Variants in SGIP1 observed in about 807,000 individuals in gnomAD.
The protein encoded by SGIP1 is SH3-containing GRB2-like protein 3-interacting protein 1.
SGIP1 carries 38 observed loss-of-function variants against 107.5 expected under a neutral mutation model. The observed-to-expected ratio is 0.35, with a 90% CI of 0.27 to 0.46. The LOEUF (loss-of-function observed/expected upper bound fraction) is 0.46. SGIP1 is among the 20% of genes least tolerant of loss of function. The pLI, the probability that SGIP1 is intolerant of heterozygous loss-of-function variation, is 1.00. For missense variants in SGIP1, 929 were observed against 1,019.5 expected (o/e 0.91, Z 1.21); for synonymous variants, 365 against 366.1 (o/e 1.00, Z 0.03).
intron 12 of SGIP1, among the ~76,000 whole-genome samples, chr1:66,675,303 C>A (rs540966731): frequency 6.6e-6 from 1 of 152,120 alleles, no homozygotes; most frequent in Non-Finnish European, 1.5e-5. Flanking sequence ...GCGAAGTCCA[C>A]CTTTGAGGCT....
intron 4 of SGIP1, among the ~76,000 whole-genome samples, chr1:66,637,942 G>A (rs146866301): frequency 0.011 from 1,669 of 151,284 alleles, 15 homozygotes; most frequent in Non-Finnish European, 0.018. Context: ...CCTTAGTTAC[G>A]AAGATGAGAT....
intron 3 of SGIP1, chr1:66,633,953 C>A: frequency 1.4e-6 from 1 of 720,840 alleles, no homozygotes; most frequent in Non-Finnish European, 2.3e-6. Context: ...TTTCCTTCCA[C>A]ACTTGACTCA....
chr1:66,564,282 TCTC>T (rs1314845544), intron 1 of SGIP1, among the ~76,000 whole-genome samples: 1 of 151,844 alleles, frequency 6.6e-6, no homozygotes, highest in Non-Finnish European at 1.5e-5. Context: ...TGAACTCAGG[TCTC>T]CTCAGGCTCA....
rs984857574 is a variant in SGIP1, at chr1:66,705,704, G to A, written c.1630+10211G>A. The stretch of plus-strand genomic sequence containing the variant: ...CTTTCAGTAGTGCTCAAAATTACCA[G>A]CATCCAATTTGTAACTGCAAGGAAC... On this transcript the variant is annotated intron_variant, in intron 18 of 24. Coordinates refer to ENST00000371037, the MANE Select transcript of SGIP1 (RefSeq NM_032291.4). 2.0e-5 allele frequency among the ~76,000 whole-genome samples: 3 copies of A among 152,184 alleles called. No homozygotes were observed. In the East Asian group the frequency reaches 5.8e-4, roughly 29 times the overall value.
chr1:66,576,300 G>T (rs1484874415), intron 1 of SGIP1, among the ~76,000 whole-genome samples: 2 of 152,196 alleles, frequency 1.3e-5, no homozygotes, highest in Non-Finnish European at 2.9e-5. Context: ...TGAAATAATT[G>T]TAACCATGTA....
intron 7 of SGIP1, among the ~76,000 whole-genome samples, chr1:66,651,722 G>T (rs566899432): frequency 6.6e-6 from 1 of 152,274 alleles, no homozygotes; most frequent in Admixed American, 6.5e-5. Flanking sequence ...CATGACAGGA[G>T]AGCGAGGCTG....
At chr1:66,649,853 T>C (rs917529682) in intron 7 of SGIP1, among the ~76,000 whole-genome samples, 1 of 152,194 alleles carries the variant, frequency 6.6e-6, no homozygotes, top group Non-Finnish European at 1.5e-5. Flanking sequence ...ACTCCAATGA[T>C]GTCCCAATTA....
chr1:66,684,111 G>T, intron 15 of SGIP1: 1 of 1,550,404 alleles, frequency 6.4e-7, no homozygotes, highest in Non-Finnish European at 8.7e-7. Flanking sequence ...TTACAGATGG[G>T]AAAACTGAGG....
intron 24 of SGIP1, among the ~76,000 whole-genome samples, chr1:66,742,436 A>ATATAAGT (rs1284137487): frequency 4.9e-5 from 7 of 144,158 alleles, no homozygotes; most frequent in African/African-American, 1.8e-4. Flanking sequence ...CCAAATTGGA[A>ATATAAGT]TATAAGTTAT....
chr1:66,706,401 A>G (rs1441295272), intron 18 of SGIP1, among the ~76,000 whole-genome samples: 1 of 146,598 alleles, frequency 6.8e-6, no homozygotes, highest in Non-Finnish European at 1.5e-5. Flanking sequence ...TAAAATAGTT[A>G]TATATAAAAT....
intron 15 of SGIP1, among the ~76,000 whole-genome samples, chr1:66,685,194 A>C (rs2150040319): frequency 6.6e-6 from 1 of 152,336 alleles, no homozygotes; most frequent in South Asian, 2.1e-4. Flanking sequence ...TATTTCTCGA[A>C]GCATATTTAA....
chr1:66,565,053 A>G (rs991613084), intron 1 of SGIP1, among the ~76,000 whole-genome samples: 6 of 151,990 alleles, frequency 3.9e-5, no homozygotes, highest in Admixed American at 3.3e-4. Context: ...AAGGGGGCAG[A>G]CAGTAGATGT....
At chr1:66,535,527 C>CT (rs1374145025) in intron 1 of SGIP1, among the ~76,000 whole-genome samples, 1 of 152,140 alleles carries the variant, frequency 6.6e-6, no homozygotes, top group African/African-American at 2.4e-5. Context: ...GAAATGAATT[C>CT]TTTTTGCTCT....
chr1:66,542,119 T>A (rs2055109668), intron 1 of SGIP1, among the ~76,000 whole-genome samples: 1 of 151,984 alleles, frequency 6.6e-6, no homozygotes. Context: ...TACATATATA[T>A]GAGATAAAGA....
At chr1:66,602,413 C>A (rs928843122) in intron 1 of SGIP1, among the ~76,000 whole-genome samples, 1 of 152,118 alleles carries the variant, frequency 6.6e-6, no homozygotes, top group Non-Finnish European at 1.5e-5. Flanking sequence ...CCTGCATGAT[C>A]CACATGTGAC....
chr1:66,581,729 C>T lies in SGIP1; in HGVS notation c.11-44118C>T, dbSNP rs564684097. Among the ~76,000 whole-genome samples, 13 of 151,918 alleles carry T rather than the reference C, an allele frequency of 8.6e-5. No individual in the cohort carries two copies. In the South Asian group the frequency reaches 2.7e-3, roughly 32 times the overall value. The stretch of plus-strand genomic sequence containing the variant: ...CCAAATTAAGTTTTATTTTGTACTC[C>T]CTGCTGAAGACTGAAGAGTGATTAC... On this transcript the variant is annotated intron_variant, in intron 1 of 24. Coordinates refer to ENST00000371037, the MANE Select transcript of SGIP1 (RefSeq NM_032291.4).
Position 66,748,250 on chromosome 1 carries a change from G to T in SGIP1, c.*5155G>T, listed in dbSNP as rs137898284. The T allele has an allele frequency of 3.9e-5, 6 of 152,026 alleles. No homozygotes were observed. In the East Asian group the frequency reaches 9.6e-4, roughly 24 times the overall value. The allele number at this position is 152,026 out of a possible 1,614,324, so 9.4% of individuals were successfully genotyped here. Reference sequence around the variant, plus strand: ...AGTGGAGTGTATGGAAGGAAAATGAGATAGGAGTACATTGCTTAAGTCTCT... The same window carrying T: ...AGTGGAGTGTATGGAAGGAAAATGATATAGGAGTACATTGCTTAAGTCTCT... On this transcript the variant is annotated 3_prime_UTR_variant, in exon 25 of 25. Coordinates refer to ENST00000371037, the MANE Select transcript of SGIP1 (RefSeq NM_032291.4).
intron 1 of SGIP1, among the ~76,000 whole-genome samples, chr1:66,597,179 T>C (rs983958196): frequency 1.3e-5 from 2 of 152,196 alleles, no homozygotes; most frequent in South Asian, 4.1e-4. Context: ...TAGTACCCAA[T>C]AGTTACTTTT....
chr1:66,734,901 C>T lies in SGIP1; in HGVS notation c.2031+1021C>T, dbSNP rs527918563. ...CAACATGATATTTTGAATATATGTACGTTATGGAATGACTAAACTAACATA... is the reference window on the plus strand; with the variant it reads ...CAACATGATATTTTGAATATATGTATGTTATGGAATGACTAAACTAACATA... On this transcript the variant is annotated intron_variant, in intron 21 of 24. Coordinates refer to ENST00000371037, the MANE Select transcript of SGIP1 (RefSeq NM_032291.4). Among the ~76,000 whole-genome samples the T allele has an allele frequency of 2.6e-4, 40 of 152,186 alleles. No individual in the cohort carries two copies. In the South Asian group the frequency reaches 5.6e-3, roughly 21 times the overall value.
Sources: allele counts gnomAD v4.1 joint callset (sites outside exome capture counted in the v4.1 genomes callset), GRCh38; gene constraint gnomAD v4.1.1; transcripts MANE v1.5; gene names NCBI Gene and HGNC (gene_info 2026-07-23, HGNC 2026-07-21).